The following TBATA variants were observed in gnomAD, a reference collection of about 807,000 sequenced individuals.
The protein encoded by TBATA is protein TBATA.
TBATA carries 47 observed loss-of-function variants against 38.7 expected under a neutral mutation model. The ratio of observed to expected loss-of-function variants is 1.21; its 90% confidence interval spans 0.96 to 1.55. The LOEUF is 1.55. Among genes scored for constraint, TBATA ranks in the 40% most tolerant of loss-of-function variants. The pLI is 0.00. For missense variants in TBATA, 436 were observed against 435.6 expected, an observed-to-expected ratio of 1.00 and a Z score of -0.01; for synonymous variants, 183 against 170.5, an observed-to-expected ratio of 1.07 and a Z score of -0.57.
chr10:70,781,957 G>C lies in TBATA; in HGVS notation c.121C>G (p.Leu41Val). The change falls in exon 4 of 11, where the codon CTG (leucine) becomes GTG (valine). Residue 41 changes from leucine (L) to valine (V), a missense_variant. Leu to Val is a conservative substitution (Grantham distance 32). Transcript: ENST00000456372. ...SPRDSGPQKE[L>V]VIPGIVDFER... ...AAATCCACAATCCCTGGGATCACCA[G>C]TTCTTTCTGTGGCCCACTGTCCCTG... 1 of 1,614,258 alleles carries C rather than the reference G, an allele frequency of 6.2e-7. No individual in the cohort carries two copies. Among genetic ancestry groups the C allele is most frequent in the Non-Finnish European group, 8.5e-7 (1 of 1,180,048 alleles).
chr10:70,779,523 A>T, intron 5 of TBATA, 70 bp downstream of exon 5: 2 of 1,416,686 alleles, frequency 1.4e-6, no homozygotes, highest in Non-Finnish European at 1.8e-6. Flanking sequence ...CTGGGCACCC[A>T]CCCAAGTGAG....
chr10:70,774,433 G>A (rs1589376391), intron 8 of TBATA, 76 bp from the exon 9 acceptor site: 3 of 1,437,086 alleles, frequency 2.1e-6, no homozygotes, highest in East Asian at 2.5e-5. Context: ...CAGAAGCAGG[G>A]CCTCCATCCA....
In TBATA at chr10:70,777,191, C is replaced by T. The variant is rs1296577331; in HGVS notation, c.655G>A (p.Gly219Arg). The T allele has an allele frequency of 1.4e-5, 22 of 1,613,354 alleles. No individual in the cohort carries two copies. In the African/African-American group the frequency reaches 1.5e-4, roughly 11 times the overall value. The change falls in exon 7 of 11, where the codon GGA (glycine) becomes AGA (arginine). Residue 219 changes from glycine to arginine, a missense_variant. By Grantham distance (125) the Gly-to-Arg change is moderately radical. Coordinates refer to ENST00000456372, the MANE Select transcript of TBATA (RefSeq NM_001318241.2). The stretch of plus-strand genomic sequence containing the variant: ...TCCTGAAGGAGGAAAGCCTGGACTC[C>T]TTCATGTCTGCTGGAAGACTGACTC... The part of the protein sequence containing the change: ...QQSQSSSRHE[G>R]VQAFLLQDQE...
intron 4 of TBATA, among the ~76,000 whole-genome samples, chr10:70,780,646 G>A (rs893339683): frequency 1.3e-5 from 2 of 151,958 alleles, no homozygotes; most frequent in Non-Finnish European, 2.9e-5. Context: ...CCTCCACCTG[G>A]AGGTCTAGAA....
At position 70,773,432 on chromosome 10, in the gene TBATA, T is replaced by C. The variant is rs566153712; in HGVS notation, c.920+781A>G. 4.8e-4 allele frequency among the ~76,000 whole-genome samples: 71 copies of C among 149,242 alleles called. 1 individual carries two copies. The South Asian group carries it at 0.013, about 26-fold the overall frequency. On this transcript the variant is annotated intron_variant, in intron 9 of 10. Transcript: ENST00000456372. ...TCCTATCAGTGTTTCCCAAACTCTG[T>C]TGGAAACACTCAGGTGACTGTTAAA...
intron 7 of TBATA, 45 bp downstream of exon 7, chr10:70,777,108 C>G (rs766382923): frequency 6.3e-7 from 1 of 1,595,262 alleles, no homozygotes; most frequent in Non-Finnish European, 8.5e-7. Flanking sequence ...TGTAAGACCC[C>G]TAATGTGGAG....
At position 70,783,462 on chromosome 10, in the gene TBATA, G is replaced by T; in HGVS notation, c.-83C>A. 6.6e-7 allele frequency: 1 copy of T among 1,510,408 alleles called. No individual in the cohort carries two copies. The highest frequency in any genetic ancestry group is 9.2e-7 in the Non-Finnish European group (1 of 1,089,760). The allele number at this position is 1,510,408 out of a possible 1,614,324, so 93.6% of individuals were successfully genotyped here. ...GAACAGGAACTCTCACTTAATACTA[G>T]TGTTGAGGATGCAGAACAGGAACTC... On this transcript the variant is annotated 5_prime_UTR_variant, in exon 3 of 11. Coordinates refer to ENST00000456372, the MANE Select transcript of TBATA (RefSeq NM_001318241.2).
chr10:70,782,178 T>C (rs1029380907), intron 3 of TBATA, 142 bp from the exon 4 acceptor site: 30 of 1,238,946 alleles, frequency 2.4e-5, no homozygotes, highest in Non-Finnish European at 3.0e-5. Context: ...ACCACCCCCA[T>C]AGCACCAAAA....
rs762468616 is a variant in TBATA, at chr10:70,774,211, A to G, written c.920+2T>C. On this transcript the variant is annotated splice_donor_variant, in intron 9 of 10. Coordinates refer to ENST00000456372, the MANE Select transcript of TBATA (RefSeq NM_001318241.2). LOFTEE classifies it high-confidence loss of function. The stretch of plus-strand genomic sequence containing the variant: ...AAGGGCAGGGCGGGGTGCGGGGCCC[A>G]CCTGCAGGGTGGCTCTTGCTTCTCT... 6.2e-7 allele frequency: 1 copy of G among 1,611,764 alleles called. No homozygotes were observed. Among genetic ancestry groups the G allele is most frequent in the Admixed American group, 1.7e-5 (1 of 59,846 alleles).
At position 70,775,244 on chromosome 10, in the gene TBATA, C is replaced by T. The variant is rs1355219073; in HGVS notation, c.720G>A (p.Leu240=). ...LLVLELLCRI[L]ETDLLSAIQF... ...GGATTGCGCTTAGCAAGTCTGTTTC[C>T]AGGATCCGACACAGGAGCTCCAGGA... The change falls in exon 8 of 11, where the codon CTG becomes CTA. Residue 240 remains leucine (L), a synonymous_variant. Coordinates refer to ENST00000456372, the MANE Select transcript of TBATA (RefSeq NM_001318241.2). The T allele has an allele frequency of 1.2e-6, 2 of 1,614,012 alleles. No homozygotes were observed. Among genetic ancestry groups the T allele is most frequent in the African/African-American group, 2.7e-5 (2 of 74,920 alleles).
chr10:70,779,160 C>T (rs1843807973), intron 5 of TBATA, among the ~76,000 whole-genome samples: 1 of 152,218 alleles, frequency 6.6e-6, no homozygotes. Flanking sequence ...TGGCTTCCAG[C>T]ACCTCAGTGG....
At chr10:70,775,434 A>G (rs1843273065) in intron 7 of TBATA, among the ~76,000 whole-genome samples, 164 bp from the exon 8 acceptor site, 2 of 152,158 alleles carry the variant, frequency 1.3e-5, no homozygotes, top group African/African-American at 4.8e-5. Flanking sequence ...TTTCCTCCAC[A>G]TTGGGCTTTG....
intron 2 of TBATA, among the ~76,000 whole-genome samples, chr10:70,783,843 T>C (rs187105004): frequency 1.2e-3 from 177 of 152,354 alleles, no homozygotes; most frequent in Non-Finnish European, 1.2e-3. Flanking sequence ...TTAACAATTC[T>C]TGGTTTTGCG....
chr10:70,777,471 T>G lies in TBATA; in HGVS notation c.508-133A>C, dbSNP rs946358887. ...CTCCCAAATCCCAGCATCACAGCGT[T>G]GCCAGGGTCCCAGGGTATCATCCAG... On this transcript the variant is annotated intron_variant, in intron 6 of 10. Transcript: ENST00000456372. 6 of 815,694 alleles carry G rather than the reference T, an allele frequency of 7.4e-6. No homozygotes were observed. In the Admixed American group the frequency reaches 1.5e-4, roughly 21 times the overall value. The allele number at this position is 815,694 out of a possible 1,614,324, so 50.5% of individuals were successfully genotyped here. A position where few individuals can be genotyped will look rare whatever the true frequency, so the allele number is the denominator to read the frequency against.
Position 70,777,332 on chromosome 10 carries a change from CCTT to C in TBATA, c.511_513del (p.Lys171del). 2 of 1,612,410 alleles carry C rather than the reference CCTT, an allele frequency of 1.2e-6. No homozygotes were observed. The highest frequency in any genetic ancestry group is 3.3e-4 in the Middle Eastern group (2 of 6,028). ...TCCCGCAGAGGCTCCTCCTTCTGCT[CCTT>C]CTGCTGGGACAAAAGTGGCCAGAGA... On this transcript the variant is annotated inframe_deletion, in exon 7 of 11. Transcript: ENST00000456372.
intron 3 of TBATA, chr10:70,782,476 C>A: frequency 7.8e-7 from 1 of 1,289,954 alleles, no homozygotes; most frequent in Non-Finnish European, 1.0e-6. Context: ...CAGCTATAGG[C>A]TGTCATCCTC....
At position 70,771,493 on chromosome 10, in the gene TBATA, G is replaced by A. The variant is rs758616821; in HGVS notation, c.974-32C>T. On this transcript the variant is annotated intron_variant, in intron 10 of 10. Transcript: ENST00000456372. ...GGAGGAGAGACAGCAGGCAGGAGAG[G>A]ACCGGGAAGGTGGGGCCCCCACCTG... The A allele has an allele frequency of 2.5e-6, 4 of 1,604,976 alleles. No individual in the cohort carries two copies. The South Asian group carries it at 3.3e-5, about 13-fold the overall frequency.
chr10:70,777,084 G>T, intron 7 of TBATA, 69 bp downstream of exon 7: 2 of 1,516,508 alleles, frequency 1.3e-6, no homozygotes, highest in East Asian at 2.3e-5. Context: ...GAGGGGCCTT[G>T]CCCTAAAGCG....
rs150819772 is a variant in TBATA at position 70,775,735 on chromosome 10, C to T, written c.694-465G>A. ...CTTGGTGTGGGGATTTCAGGAACCC[C>T]ATGGTAAGCCATACCCTAAAAGTCC... On this transcript the variant is annotated intron_variant, in intron 7 of 10. Transcript: ENST00000456372. 6.1e-3 allele frequency among the ~76,000 whole-genome samples: 936 copies of T among 152,212 alleles called. 4 individuals are homozygous for T. Among genetic ancestry groups the T allele is most frequent in the Non-Finnish European group, 0.011 (728 of 68,016 alleles).
Sources: allele counts gnomAD v4.1 joint callset (sites outside exome capture counted in the v4.1 genomes callset), GRCh38; gene constraint gnomAD v4.1.1; transcripts MANE v1.5; gene names NCBI Gene and HGNC (gene_info 2026-07-23, HGNC 2026-07-21).